The following TBC1D9 variants were observed in gnomAD, a reference collection of about 807,000 sequenced individuals.
The protein encoded by TBC1D9 is TBC1 domain family member 9.
In TBC1D9, 63 loss-of-function variants were observed where a neutral mutation model predicts 132.0. The ratio of observed to expected loss-of-function variants is 0.48; its 90% CI spans 0.39 to 0.59. TBC1D9 has a LOEUF of 0.59. Among genes scored for constraint, TBC1D9 ranks in the 20% least tolerant of loss-of-function variants. The probability of loss-of-function intolerance (pLI) is 0.00; values close to 1 mark genes in which losing one functional copy is unlikely to be tolerated. For synonymous variants in TBC1D9, 610 were observed against 609.9 expected (o/e 1.00, Z 0.00); for missense variants, 1,261 against 1,592.7 (o/e 0.79, Z 3.54).
At chr4:140,746,243 G>C (rs1738834158) in intron 1 of TBC1D9, among the ~76,000 whole-genome samples, 1 of 152,158 alleles carries the variant, frequency 6.6e-6, no homozygotes, top group Non-Finnish European at 1.5e-5. Flanking sequence ...ACATTTCTGA[G>C]AGAACAGCTT....
chr4:140,624,061 A>T, intron 20 of TBC1D9, 55 bp downstream of exon 20: 1 of 1,406,140 alleles, frequency 7.1e-7, no homozygotes, highest in Non-Finnish European at 9.8e-7. Context: ...CTTTTCAGTC[A>T]TAGAAAAAAG....
chr4:140,713,924 A>C (rs1738289860), intron 1 of TBC1D9, among the ~76,000 whole-genome samples: 1 of 152,210 alleles, frequency 6.6e-6, no homozygotes, highest in South Asian at 2.1e-4. Context: ...ATGAAACATT[A>C]AAGATCCTAC....
In TBC1D9 at chr4:140,756,371, G is replaced by A. The variant is rs891086211; in HGVS notation, c.-326C>T. Among the ~76,000 whole-genome samples the A allele has an allele frequency of 4.6e-5, 7 of 152,214 alleles. No homozygotes were observed. Among genetic ancestry groups the A allele is most frequent in the African/African-American group, 1.4e-4 (6 of 41,578 alleles). On this transcript the variant is annotated 5_prime_UTR_variant, in exon 1 of 21. Coordinates refer to ENST00000442267, the MANE Select transcript of TBC1D9 (RefSeq NM_015130.3). The surrounding 1 kb of genome is among the most constrained non-coding windows in gnomAD (Gnocchi z 5.6). ...GGCTCCCGGCCCACGGCGGCGGGAGGAGCGGGAGGAGGAGGAAGAGGAGGA... is the reference window on the plus strand; with the variant it reads ...GGCTCCCGGCCCACGGCGGCGGGAGAAGCGGGAGGAGGAGGAAGAGGAGGA...
chr4:140,725,282 A>G (rs1222661650), intron 1 of TBC1D9, among the ~76,000 whole-genome samples: 1 of 152,234 alleles, frequency 6.6e-6, no homozygotes, highest in Non-Finnish European at 1.5e-5. Context: ...ATACCATTGT[A>G]CGGTAGATGA....
intron 1 of TBC1D9, among the ~76,000 whole-genome samples, chr4:140,746,651 T>A (rs1738840763): frequency 6.6e-6 from 1 of 152,028 alleles, no homozygotes; most frequent in Admixed American, 6.6e-5. Flanking sequence ...TCATATGGCA[T>A]CCAGCAAAGA....
At chr4:140,726,314 T>TA (rs1738500988) in intron 1 of TBC1D9, among the ~76,000 whole-genome samples, 1 of 152,114 alleles carries the variant, frequency 6.6e-6, no homozygotes, top group African/African-American at 2.4e-5. Context: ...TTAAAAATTT[T>TA]AAAAAGTATA....
chr4:140,621,637 T>C lies in TBC1D9; in HGVS notation c.*558A>G, dbSNP rs1736615356. 2 of 152,250 alleles carry C rather than the reference T, an allele frequency of 1.3e-5. No homozygotes were observed. Among genetic ancestry groups the C allele is most frequent in the African/African-American group, 4.8e-5 (2 of 41,470 alleles). 9.4% of individuals were successfully genotyped at this position (152,250 alleles called of 1,614,324 possible). A position where few individuals can be genotyped will look rare whatever the true frequency, so the allele number is the denominator to read the frequency against. ...TTTTCCCTTTGAAGGGGAACATCTGTGGAATATGATTTTGAATAGAGGACT... is the reference window on the plus strand; with the variant it reads ...TTTTCCCTTTGAAGGGGAACATCTGCGGAATATGATTTTGAATAGAGGACT... On this transcript the variant is annotated 3_prime_UTR_variant, in exon 21 of 21. Transcript: ENST00000442267.
At chr4:140,727,674 T>G (rs1055443506) in intron 1 of TBC1D9, among the ~76,000 whole-genome samples, 2 of 152,218 alleles carry the variant, frequency 1.3e-5, no homozygotes, top group Non-Finnish European at 2.9e-5. Context: ...GAATACAGTC[T>G]CTTAAGCAAA....
intron 9 of TBC1D9, among the ~76,000 whole-genome samples, chr4:140,667,123 T>C (rs1407258154): frequency 6.6e-6 from 1 of 152,236 alleles, no homozygotes; most frequent in Non-Finnish European, 1.5e-5. Flanking sequence ...GAGACCCAAG[T>C]TGGGCTCTGG....
intron 1 of TBC1D9, among the ~76,000 whole-genome samples, chr4:140,732,670 C>T (rs1338941671): frequency 6.6e-6 from 1 of 152,142 alleles, no homozygotes; most frequent in South Asian, 2.1e-4. Flanking sequence ...CAACATAGAA[C>T]TCAAGTCTTC....
intron 6 of TBC1D9, among the ~76,000 whole-genome samples, chr4:140,672,608 A>T (rs1193824276): frequency 6.6e-6 from 1 of 152,208 alleles, no homozygotes; most frequent in African/African-American, 2.4e-5. Context: ...GTCTAGCTGG[A>T]GCATGTATGC....
At chr4:140,686,149 A>C (rs1042524974) in intron 3 of TBC1D9, among the ~76,000 whole-genome samples, 195 bp downstream of exon 3, 1 of 152,198 alleles carries the variant, frequency 6.6e-6, no homozygotes, top group Non-Finnish European at 1.5e-5. Context: ...GAATAGCCCT[A>C]TTCTTAGAAA....
rs1170915275 is a variant in TBC1D9, at chr4:140,669,811, A to T, written c.1267-7T>A. The stretch of plus-strand genomic sequence containing the variant: ...TGCTGGGTCGAGAGTACACCTGTCA[A>T]TACAGAGAGGAACAAGACATTGGGA... On this transcript the variant is annotated splice_region_variant and splice_polypyrimidine_tract_variant and intron_variant, in intron 7 of 20. Transcript: ENST00000442267. The T allele has an allele frequency of 1.9e-6, 3 of 1,607,680 alleles. No homozygotes were observed. In the African/African-American group the frequency reaches 4.0e-5, roughly 21 times the overall value.
intron 2 of TBC1D9, among the ~76,000 whole-genome samples, chr4:140,697,551 G>A (rs1292190172): frequency 6.6e-6 from 1 of 152,180 alleles, no homozygotes; most frequent in African/African-American, 2.4e-5. Flanking sequence ...AATGAAACAA[G>A]TGTCACTGGG....
chr4:140,688,852 A>C (rs1032121671), intron 2 of TBC1D9, among the ~76,000 whole-genome samples: 5 of 152,220 alleles, frequency 3.3e-5, no homozygotes, highest in African/African-American at 1.2e-4. Flanking sequence ...GAAAGCTTTA[A>C]AATATTTTAA....
Position 140,679,142 on chromosome 4 carries a change from C to G in TBC1D9, c.651G>C (p.Leu217=), listed in dbSNP as rs1331207724. 6.2e-7 allele frequency: 1 copy of G among 1,613,752 alleles called. No individual in the cohort carries two copies. The highest frequency in any genetic ancestry group is 1.3e-5 in the African/African-American group (1 of 74,888). The change falls in exon 5 of 21, where the codon CTG becomes CTC. Residue 217 remains leucine, a synonymous_variant. Coordinates refer to ENST00000442267, the MANE Select transcript of TBC1D9 (RefSeq NM_015130.3). The stretch of plus-strand genomic sequence containing the variant: ...GTGTGCTCACTTTGATCACATCAGG[C>G]AGAAGCAGGGTGGCATTCTTCTCAA... ...TQLEKNATLL[L]PDVIKVSTRS...
chr4:140,669,757 G>A lies in TBC1D9; in HGVS notation c.1314C>T (p.Ser438=). The change falls in exon 8 of 21, where the codon AGC becomes AGT. Residue 438 remains serine, a synonymous_variant. Coordinates refer to ENST00000442267, the MANE Select transcript of TBC1D9 (RefSeq NM_015130.3). Reference sequence around the variant, plus strand: ...GCTCTCCATCAGCATCAGAGCTCGTGCTTCTCTGGGGGCTGGAGGAGACGA... The same window carrying A: ...GCTCTCCATCAGCATCAGAGCTCGTACTTCTCTGGGGGCTGGAGGAGACGA... The part of the protein sequence containing the change: ...SSLVSSSPQR[S]TSSDADGERQ... 6.2e-7 allele frequency: 1 copy of A among 1,613,996 alleles called. No homozygotes were observed. Among genetic ancestry groups the A allele is most frequent in the Non-Finnish European group, 8.5e-7 (1 of 1,179,878 alleles).
intron 1 of TBC1D9, among the ~76,000 whole-genome samples, chr4:140,744,305 C>G (rs76618727): frequency 1.3e-5 from 2 of 152,052 alleles, no homozygotes; most frequent in Non-Finnish European, 2.9e-5. Flanking sequence ...TTCTGACCCC[C>G]CAACTGACTG....
At chr4:140,671,622 G>C (rs183705481) in intron 6 of TBC1D9, among the ~76,000 whole-genome samples, 2 of 151,354 alleles carry the variant, frequency 1.3e-5, no homozygotes, top group Admixed American at 1.3e-4. Context: ...ATTCTGAACA[G>C]ACATGTAAAG....
Sources: allele counts gnomAD v4.1 joint callset (sites outside exome capture counted in the v4.1 genomes callset), GRCh38; gene constraint gnomAD v4.1.1; non-coding constraint Gnocchi (gnomAD v3.1); transcripts MANE v1.5; gene names NCBI Gene and HGNC (gene_info 2026-07-23, HGNC 2026-07-21).